The following L3MBTL1 variants were observed in gnomAD, a reference collection of about 807,000 sequenced individuals.
L3MBTL1 encodes the protein L3MBTL histone methyl-lysine binding protein 1.
In L3MBTL1, 75 loss-of-function variants were observed where a neutral mutation model predicts 105.3. The ratio of observed to expected loss-of-function variants is 0.71; its 90% confidence interval spans 0.59 to 0.86. L3MBTL1 has a LOEUF of 0.86. Ranked by LOEUF, L3MBTL1 falls within the 40% of genes least tolerant of loss-of-function variation. The pLI, the probability that L3MBTL1 is intolerant of heterozygous loss-of-function variation, is 0.00. For synonymous variants in L3MBTL1, 452 were observed against 436.2 expected, an observed-to-expected ratio of 1.04 and a Z score of -0.45; for missense variants, 1,069 against 1,126.4, an observed-to-expected ratio of 0.95 and a Z score of 0.73.
chr20:43,540,681 G>T, intron 20 of L3MBTL1, 72 bp from the exon 21 acceptor site: 3 of 1,414,976 alleles, frequency 2.1e-6, no homozygotes, highest in Non-Finnish European at 3.0e-6. Context: ...AAGCACCTAG[G>T]CTGTGGAGGC....
chr20:43,530,215 A>G, intron 9 of L3MBTL1, 69 bp from the exon 10 acceptor site: 2 of 1,599,866 alleles, frequency 1.3e-6, no homozygotes, highest in Non-Finnish European at 1.7e-6. Flanking sequence ...CTGGGCCAGG[A>G]GAGGTGAGGC....
rs763636407 is a variant in L3MBTL1 at position 43,534,543 on chromosome 20, G to A, written c.1710+149G>A. 175 of 681,690 alleles carry A rather than the reference G, an allele frequency of 2.6e-4. 1 individual carries two copies. Among genetic ancestry groups the A allele is most frequent in the Non-Finnish European group, 3.8e-4 (151 of 397,606 alleles). 42.2% of individuals were successfully genotyped at this position (681,690 alleles called of 1,614,324 possible). ...CTTGCCTCATCTGTGACTTATTTTTGTGGGCTTGGACAAGTCATTTTCCCT... is the reference window on the plus strand; with the variant it reads ...CTTGCCTCATCTGTGACTTATTTTTATGGGCTTGGACAAGTCATTTTCCCT... On this transcript the variant is annotated intron_variant, in intron 15 of 21. Transcript: ENST00000418998.
rs1481035563 is a variant in L3MBTL1 at position 43,507,740 on chromosome 20, G to A, written c.-33G>A. The A allele has an allele frequency of 6.6e-6, 1 of 152,112 alleles. No homozygotes were observed. The highest frequency in any genetic ancestry group is 2.4e-5 in the African/African-American group (1 of 41,444). The allele number at this position is 152,112 out of a possible 1,614,324, so 9.4% of individuals were successfully genotyped here. A position where few individuals can be genotyped will look rare whatever the true frequency, so the allele number is the denominator to read the frequency against. ...GCGCTGGGCGGCCACCGGCTGGCCAGGCAGGTAAGCAACCAGCGGTGCGTG... is the reference window on the plus strand; with the variant it reads ...GCGCTGGGCGGCCACCGGCTGGCCAAGCAGGTAAGCAACCAGCGGTGCGTG... On this transcript the variant is annotated 5_prime_UTR_variant, in exon 1 of 22. Coordinates refer to ENST00000418998, the MANE Select transcript of L3MBTL1 (RefSeq NM_001377303.1).
intron 18 of L3MBTL1, among the ~76,000 whole-genome samples, chr20:43,547,031 G>C (rs1221199041): frequency 6.6e-6 from 1 of 151,316 alleles, no homozygotes; most frequent in African/African-American, 2.4e-5. Context: ...AATTGGTTTT[G>C]GTTTTTATGT....
At chr20:43,516,206 G>A (rs200989749) in intron 7 of L3MBTL1, 29 bp downstream of exon 7, 7 of 1,538,598 alleles carry the variant, frequency 4.5e-6, no homozygotes, top group Non-Finnish European at 5.4e-6. Flanking sequence ...ATATATATTC[G>A]TGTGAGGTGT....
chr20:43,529,042 G>A (rs2019185313), intron 8 of L3MBTL1, among the ~76,000 whole-genome samples: 1 of 152,146 alleles, frequency 6.6e-6, no homozygotes, highest in African/African-American at 2.4e-5. Context: ...TTGGTGAGAG[G>A]GAGCCCTTGA....
chr20:43,533,041 C>G (rs1405377431), intron 12 of L3MBTL1, 117 bp downstream of exon 12: 1 of 1,001,074 alleles, frequency 1.0e-6, no homozygotes, highest in Non-Finnish European at 1.5e-6. Context: ...TCAGATCTTC[C>G]TCCGGTTGGA....
chr20:43,538,710 A>G (rs1298791581), intron 19 of L3MBTL1, among the ~76,000 whole-genome samples: 2 of 152,150 alleles, frequency 1.3e-5, no homozygotes, highest in African/African-American at 4.8e-5. Flanking sequence ...TAGATAAGAC[A>G]CTGTAACTGC....
At chr20:43,516,496 C>T (rs1311505613) in intron 7 of L3MBTL1, among the ~76,000 whole-genome samples, 1 of 152,176 alleles carries the variant, frequency 6.6e-6, no homozygotes, top group Non-Finnish European at 1.5e-5. Flanking sequence ...GTCATTGCTT[C>T]TCTTTAGTGG....
intron 10 of L3MBTL1, 89 bp from the exon 11 acceptor site, chr20:43,530,709 A>C: frequency 8.0e-7 from 1 of 1,249,836 alleles, no homozygotes; most frequent in East Asian, 2.3e-5. Context: ...GTCCTCAGGC[A>C]TGCCTGATTC....
At chr20:43,528,310 G>C (rs1034764999) in intron 7 of L3MBTL1, among the ~76,000 whole-genome samples, 1 of 152,050 alleles carries the variant, frequency 6.6e-6, no homozygotes, top group African/African-American at 2.4e-5. Context: ...AAGTTCTCTG[G>C]CACAGGACTT....
At chr20:43,517,159 C>T (rs531276026) in intron 7 of L3MBTL1, among the ~76,000 whole-genome samples, 92 of 151,676 alleles carry the variant, frequency 6.1e-4, no homozygotes, top group African/African-American at 1.9e-3. Flanking sequence ...AGTGCAGTAG[C>T]GCCATCTTGG....
At chr20:43,514,295 G>T (rs1297891742) in intron 3 of L3MBTL1, 6 of 835,996 alleles carry the variant, frequency 7.2e-6, no homozygotes, top group Non-Finnish European at 1.1e-5. Context: ...TGGGCCTGTG[G>T]GTGTCTGGGG....
In L3MBTL1 at chr20:43,514,023, ACAGAGGCCGCGGCCCCGCCCC is replaced by A. The variant is rs1222748156; in HGVS notation, c.326_346del (p.Glu109_Pro115del). 1.3e-6 allele frequency: 2 copies of A among 1,538,294 alleles called. No homozygotes were observed. The highest frequency in any genetic ancestry group is 1.7e-6 in the Non-Finnish European group (2 of 1,146,704). ...CAGCACAGTGCGGCTTCTGGAATGG[ACAGAGGCCGCGGCCCCGCCCC>A]CAGGGGGCGGCCTGCGGGTCAGTGT... is the stretch of plus-strand genomic sequence containing the variant. On this transcript the variant is annotated inframe_deletion, in exon 3 of 22. Transcript: ENST00000418998.
intron 20 of L3MBTL1, 130 bp downstream of exon 20, chr20:43,540,438 G>A: frequency 2.8e-6 from 3 of 1,070,114 alleles, no homozygotes; most frequent in Non-Finnish European, 4.1e-6. Flanking sequence ...CATCTGTCCT[G>A]TGCACAGTCC....
In L3MBTL1 at chr20:43,529,346, A is replaced by G. The variant is rs2019205142; in HGVS notation, c.1034A>G (p.Tyr345Cys). 3 of 1,612,666 alleles carry G rather than the reference A, an allele frequency of 1.9e-6. No individual in the cohort carries two copies. Among genetic ancestry groups the G allele is most frequent in the East Asian group, 2.2e-5 (1 of 44,874 alleles). The change falls in exon 9 of 22, where the codon TAC (tyrosine) becomes TGC (cysteine). Residue 345 changes from tyrosine to cysteine, a missense_variant. Transcript: ENST00000418998. ...ATTGACCCTCAACACCCGTCCATGT[A>G]CTTCATCCTCACCGTGGCTGAGGTG... is the stretch of plus-strand genomic sequence containing the variant. ...EGIDPQHPSM[Y>C]FILTVAEVCG...
chr20:43,547,671 G>A (rs561660010), intron 18 of L3MBTL1, among the ~76,000 whole-genome samples: 8 of 152,182 alleles, frequency 5.3e-5, no homozygotes, highest in African/African-American at 1.9e-4. Context: ...GCCTCATGTT[G>A]GAATGCACAC....
chr20:43,535,729 G>C (rs2145475075), intron 16 of L3MBTL1, 108 bp from the exon 17 acceptor site: 1 of 687,202 alleles, frequency 1.5e-6, no homozygotes, highest in African/African-American at 1.8e-5. Flanking sequence ...CTCATCCTTG[G>C]GGAGTGGGTT....
chr20:43,521,529 A>AT (rs2018703912), intron 7 of L3MBTL1, among the ~76,000 whole-genome samples: 1 of 152,200 alleles, frequency 6.6e-6, no homozygotes, highest in Non-Finnish European at 1.5e-5. Context: ...AAATGCCAAG[A>AT]TGGAATGGGT....
Sources: gnomAD v4.1 joint callset for allele counts (sites outside exome capture counted in the v4.1 genomes callset) on GRCh38, gnomAD v4.1.1 for gene constraint, MANE v1.5 for transcripts, NCBI Gene and HGNC (gene_info 2026-07-23, HGNC 2026-07-21) for gene names.